LTAP1: variants seen among roughly 807,000 people sequenced by gnomAD.
The protein encoded by LTAP1 is HCV NS5A-transactivated protein 4.
the LTAP1 span, among the ~76,000 whole-genome samples, chr1:154,218,120 T>C: frequency 2.6e-5 from 4 of 152,294 alleles, no homozygotes; most frequent in South Asian, 2.1e-4. Context: ...AAGTGGACAT[T>C]TGAATTAAGT....
the LTAP1 span, chr1:154,212,708 T>C: frequency 1.4e-6 from 2 of 1,471,954 alleles, no homozygotes; most frequent in Non-Finnish European, 1.9e-6. Context: ...TCACCCGGGC[T>C]GGAGTGCAGT....
the LTAP1 span, chr1:154,220,340 A>C: frequency 6.2e-7 from 1 of 1,614,130 alleles, no homozygotes; most frequent in South Asian, 1.1e-5. Flanking sequence ...TAATCTCCTC[A>C]CCAGGCTCCC....
chr1:154,220,279 C>T, the LTAP1 span: 3 of 1,591,268 alleles, frequency 1.9e-6, no homozygotes, highest in South Asian at 3.3e-5. Flanking sequence ...GGGTACAGCT[C>T]AAAAGGAGGG....
the LTAP1 span, among the ~76,000 whole-genome samples, chr1:154,218,045 T>G: frequency 0.012 from 1,896 of 152,338 alleles, 25 homozygotes; most frequent in Non-Finnish European, 0.017. Context: ...TCTTCTGGCC[T>G]CAGCCTCCCA....
At chr1:154,219,798 C>A in the LTAP1 span, 2 of 1,422,938 alleles carry the variant, frequency 1.4e-6, no homozygotes, top group Non-Finnish European at 1.9e-6. Flanking sequence ...CCTAAAAGAT[C>A]TGGAGAAGTA....
the LTAP1 span, chr1:154,207,676 A>G: frequency 6.4e-7 from 1 of 1,556,496 alleles, no homozygotes; most frequent in African/African-American, 1.4e-5. Context: ...GAGGTCATTG[A>G]CAGAATGAGG....
chr1:154,214,640 T>C, the LTAP1 span: 1 of 984,428 alleles, frequency 1.0e-6, no homozygotes, highest in Non-Finnish European at 1.6e-6. Context: ...AATGTGAAAA[T>C]GGGGCAGAGT....
the LTAP1 span, chr1:154,211,711 G>T: frequency 2.0e-5 from 3 of 152,846 alleles, no homozygotes; most frequent in Non-Finnish European, 4.4e-5. Flanking sequence ...AGGAATCCCT[G>T]TGTGTGCTGA....
the LTAP1 span, among the ~76,000 whole-genome samples, chr1:154,215,428 T>C: frequency 6.6e-6 from 1 of 151,664 alleles, no homozygotes. Context: ...TAGCCGGGCG[T>C]TGTGGCGGGG....
chr1:154,211,582 G>A, the LTAP1 span, among the ~76,000 whole-genome samples: 1 of 141,672 alleles, frequency 7.1e-6, no homozygotes, highest in African/African-American at 2.6e-5. Flanking sequence ...TGATTCGCCT[G>A]CCTCGGCCTC....
the LTAP1 span, among the ~76,000 whole-genome samples, chr1:154,210,674 T>C: frequency 6.6e-6 from 1 of 152,130 alleles, no homozygotes; most frequent in Non-Finnish European, 1.5e-5. Flanking sequence ...AGATGGGGTT[T>C]CACCATGTTG....
At chr1:154,212,065 C>G in the LTAP1 span, 9 of 432,720 alleles carry the variant, frequency 2.1e-5, no homozygotes, top group Non-Finnish European at 3.9e-5. Flanking sequence ...CCATGTTGGT[C>G]AGGCTGGTCT....
chr1:154,207,639 T>C, the LTAP1 span: 10 of 1,604,856 alleles, frequency 6.2e-6, 1 homozygote, highest in Non-Finnish European at 8.5e-6. Context: ...TCCCAATTCG[T>C]GCTTTAACCC....
the LTAP1 span, chr1:154,212,410 C>T: frequency 6.2e-7 from 1 of 1,614,100 alleles, no homozygotes; most frequent in South Asian, 1.1e-5. Flanking sequence ...GTGAGGATCT[C>T]TCAGTCTGAG....
At chr1:154,207,879 T>C in the LTAP1 span, among the ~76,000 whole-genome samples, 21 of 152,058 alleles carry the variant, frequency 1.4e-4, 1 homozygote, top group Admixed American at 1.3e-3. Flanking sequence ...GGCAGGTGGA[T>C]TGTTTGAGGT....
chr1:154,218,544 G>A, the LTAP1 span, among the ~76,000 whole-genome samples: 5 of 152,222 alleles, frequency 3.3e-5, no homozygotes, highest in Non-Finnish European at 5.9e-5. Flanking sequence ...AGAGGGGAAG[G>A]TTAATAGCAC....
the LTAP1 span, among the ~76,000 whole-genome samples, chr1:154,216,697 G>A: frequency 6.6e-6 from 1 of 151,122 alleles, no homozygotes; most frequent in African/African-American, 2.4e-5. Flanking sequence ...TGTATTTTTC[G>A]TAGAGATGGG....
At chr1:154,212,076 C>T in the LTAP1 span, 31 of 461,330 alleles carry the variant, frequency 6.7e-5, no homozygotes, top group East Asian at 5.8e-4. Context: ...AGGCTGGTCT[C>T]GGATTCCCAA....
chr1:154,215,300 C>T, the LTAP1 span, among the ~76,000 whole-genome samples: 3 of 152,156 alleles, frequency 2.0e-5, no homozygotes, highest in African/African-American at 4.8e-5. Flanking sequence ...GGTGCTGTGG[C>T]TCACGCCTGT....
Sources: gnomAD v4.1 joint callset for allele counts (sites outside exome capture counted in the v4.1 genomes callset) on GRCh38, gnomAD v4.1.1 for gene constraint, MANE v1.5 for transcripts, NCBI Gene and HGNC (gene_info 2026-07-23, HGNC 2026-07-21) for gene names.